The following CAST variants were observed in gnomAD, a reference collection of about 807,000 sequenced individuals.
CAST encodes calpastatin, also known as MIR583 host.
In CAST, 76 loss-of-function variants were observed where a neutral mutation model predicts 119.6. That is an observed-to-expected ratio of 0.64 (90% CI 0.53 to 0.77). CAST has a LOEUF of 0.77. Ranked by LOEUF, CAST falls within the 30% of genes least tolerant of loss-of-function variation. CAST has a pLI of 0.00. For synonymous variants in CAST, 319 were observed against 331.6 expected, an observed-to-expected ratio of 0.96 and a Z score of 0.41; for missense variants, 953 against 946.5, an observed-to-expected ratio of 1.01 and a Z score of -0.09.
At chr5:96,151,271 T>A in the CAST span, among the ~76,000 whole-genome samples, 1 of 152,232 alleles carries the variant, frequency 6.6e-6, no homozygotes, top group Non-Finnish European at 1.5e-5. Context: ...GCTTTCTGTC[T>A]GCACATACTG....
chr5:96,505,436 G>A, the CAST span, among the ~76,000 whole-genome samples: 17 of 152,078 alleles, frequency 1.1e-4, no homozygotes, highest in Admixed American at 7.2e-4. Context: ...GCCGAGACCC[G>A]CCACTGCACT....
In CAST at chr5:96,680,379, AGAAG is replaced by A. The variant is rs796157971; in HGVS notation, c.138+4779_138+4782del. ...CAAAAAAAAAAAAAAAAAAAAAAAA[AGAAG>A]AAGAAGAAAAGAAAAATGGAAAATA... is the stretch of plus-strand genomic sequence containing the variant. On this transcript the variant is annotated intron_variant, in intron 2 of 31. Coordinates refer to ENST00000675179, the MANE Select transcript of CAST (RefSeq NM_001750.7). 1.4e-3 allele frequency among the ~76,000 whole-genome samples: 109 copies of A among 76,758 alleles called. 3 individuals carry two copies. Among genetic ancestry groups the A allele is most frequent in the African/African-American group, 4.2e-3 (56 of 13,250 alleles). 50.4% of individuals were successfully genotyped at this position (76,758 alleles called of 152,430 possible). A position where few individuals can be genotyped will look rare whatever the true frequency, so the allele number is the denominator to read the frequency against.
At chr5:96,081,321 C>T in the CAST span, among the ~76,000 whole-genome samples, 1 of 152,028 alleles carries the variant, frequency 6.6e-6, no homozygotes, top group Non-Finnish European at 1.5e-5. Context: ...GGTAAGAGCC[C>T]AGAGTAGAAA....
At chr5:96,048,782 A>C in the CAST span, among the ~76,000 whole-genome samples, 1 of 152,160 alleles carries the variant, frequency 6.6e-6, no homozygotes, top group Non-Finnish European at 1.5e-5. Flanking sequence ...CAATATTGCC[A>C]AGAGTCTTTT....
chr5:96,597,943 GGA>G (rs1459404457), intron 1 of CAST, among the ~76,000 whole-genome samples: 34 of 151,660 alleles, frequency 2.2e-4, no homozygotes, highest in African/African-American at 8.2e-4. Context: ...AAAGAAGGGG[GGA>G]GGGGGAGAGG....
chr5:96,138,604 C>T, the CAST span, among the ~76,000 whole-genome samples: 1 of 151,990 alleles, frequency 6.6e-6, no homozygotes, highest in Non-Finnish European at 1.5e-5. Flanking sequence ...AATTCATAAA[C>T]ACAATATTTC....
chr5:96,622,724 TTATG>T (rs1444748311), intron 1 of CAST, among the ~76,000 whole-genome samples: 1 of 152,302 alleles, frequency 6.6e-6, no homozygotes, highest in East Asian at 1.9e-4. Flanking sequence ...TTTAAAAACT[TTATG>T]TAGTCTTTTT....
upstream of CAST, among the ~76,000 whole-genome samples, chr5:96,657,889 G>C (rs907617337): frequency 6.6e-6 from 1 of 152,162 alleles, no homozygotes; most frequent in African/African-American, 2.4e-5. Context: ...ATGAGGTCAG[G>C]AGTTCGAGAC....
At position 96,692,252 on chromosome 5, in the gene CAST, A is replaced by G. The variant is rs560117938; in HGVS notation, c.139-3584A>G. Reference sequence around the variant, plus strand: ...AGGACTGATGCTGATGTTAAGGAGTATAAGTGTGAAGAGATACCAACAAAA... The same window carrying G: ...AGGACTGATGCTGATGTTAAGGAGTGTAAGTGTGAAGAGATACCAACAAAA... On this transcript the variant is annotated intron_variant, in intron 2 of 31. Transcript: ENST00000675179. 3.9e-5 allele frequency among the ~76,000 whole-genome samples: 6 copies of G among 152,254 alleles called. No homozygotes were observed. The East Asian group carries it at 7.7e-4, about 20-fold the overall frequency.
intron 1 of CAST, among the ~76,000 whole-genome samples, chr5:96,547,578 C>A (rs1215228122): frequency 2.2e-4 from 34 of 152,242 alleles, no homozygotes; most frequent in African/African-American, 2.4e-5. Flanking sequence ...TTTCTGGAAA[C>A]ACCCTCACAG....
intron 19 of CAST, among the ~76,000 whole-genome samples, chr5:96,748,976 A>G (rs1320756727): frequency 6.6e-5 from 10 of 152,054 alleles, no homozygotes; most frequent in Non-Finnish European, 1.2e-4. Context: ...GCATGTCTGT[A>G]GTTATGTCAT....
chr5:96,756,222 G>A (rs3797814), intron 22 of CAST, among the ~76,000 whole-genome samples: 36,744 of 152,092 alleles, frequency 0.24, 4,931 homozygotes, highest in Non-Finnish European at 0.32. Flanking sequence ...CCTTCCAGAC[G>A]CAGAATGACG....
the CAST span, among the ~76,000 whole-genome samples, chr5:96,355,726 G>A: frequency 2.6e-5 from 4 of 151,210 alleles, no homozygotes; most frequent in Admixed American, 2.0e-4. Flanking sequence ...TTTTTGAGAC[G>A]GCGTCTTGCT....
chr5:96,767,897 C>A lies in CAST; in HGVS notation c.2176-10C>A, dbSNP rs1375001996. ...TTCTTCACTGATGGTTATTTCTACT[C>A]ATATCTCAGAAACCTGCAGATGACC... is the stretch of plus-strand genomic sequence containing the variant. On this transcript the variant is annotated splice_polypyrimidine_tract_variant and intron_variant, in intron 28 of 31. Coordinates refer to ENST00000675179, the MANE Select transcript of CAST (RefSeq NM_001750.7). The A allele has an allele frequency of 1.3e-6, 2 of 1,590,774 alleles. No individual in the cohort carries two copies. Among genetic ancestry groups the A allele is most frequent in the Non-Finnish European group, 1.7e-6 (2 of 1,158,928 alleles).
chr5:96,681,719 C>A (rs1751442336), intron 2 of CAST, among the ~76,000 whole-genome samples: 1 of 120,870 alleles, frequency 8.3e-6, no homozygotes, highest in African/African-American at 3.3e-5. Context: ...GGCGACAGAG[C>A]GAGACTCCGT....
chr5:96,695,537 C>T (rs1359471037), intron 2 of CAST, among the ~76,000 whole-genome samples: 1 of 152,182 alleles, frequency 6.6e-6, no homozygotes, highest in African/African-American at 2.4e-5. Flanking sequence ...CTCTATGGCA[C>T]TGTAAGGGTG....
chr5:96,086,330 A>T, the CAST span, among the ~76,000 whole-genome samples: 1 of 152,206 alleles, frequency 6.6e-6, no homozygotes, highest in African/African-American at 2.4e-5. Flanking sequence ...ACAAAGTAGG[A>T]TGGTGAAGCC....
the CAST span, among the ~76,000 whole-genome samples, chr5:96,449,670 C>A: frequency 1.3e-5 from 2 of 152,318 alleles, no homozygotes; most frequent in Admixed American, 6.5e-5. Context: ...ACCAATTCAA[C>A]CCTAAATTCT....
At chr5:96,430,085 C>G in the CAST span, among the ~76,000 whole-genome samples, 1 of 152,170 alleles carries the variant, frequency 6.6e-6, no homozygotes, top group Non-Finnish European at 1.5e-5. Flanking sequence ...TGATAAATTG[C>G]TATTAGCCAC....
Sources: allele counts gnomAD v4.1 joint callset (sites outside exome capture counted in the v4.1 genomes callset), GRCh38; gene constraint gnomAD v4.1.1; transcripts MANE v1.5; gene names NCBI Gene and HGNC (gene_info 2026-07-23, HGNC 2026-07-21).